Variants in FMN2 observed in about 807,000 individuals in gnomAD.
FMN2 encodes formin-2.
In FMN2, 51 loss-of-function variants were observed where a neutral mutation model predicts 142.3. That is an observed-to-expected ratio of 0.36 (90% CI 0.29 to 0.45). The LOEUF is 0.45. FMN2 is among the 20% of genes least tolerant of loss of function. The pLI is 1.00. For synonymous variants in FMN2, 882 were observed against 869.8 expected (o/e 1.01, Z -0.25); for missense variants, 1,936 against 2,122.8 (o/e 0.91, Z 1.73).
rs201529133 is a variant in FMN2, at chr1:240,212,637, A to T, written c.4065+1402A>T. On this transcript the variant is annotated intron_variant, in intron 6 of 17. Coordinates refer to ENST00000319653, the MANE Select transcript of FMN2 (RefSeq NM_020066.5). ...TCAGTAAGTCCAGGGTGACAATGTT[A>T]AAAGGAGTAATGGAAAATCATATTT... Among the ~76,000 whole-genome samples, 5 of 152,256 alleles carry T rather than the reference A, an allele frequency of 3.3e-5. No individual in the cohort carries two copies. The East Asian group carries it at 9.6e-4, about 29-fold the overall frequency.
intron 15 of FMN2, among the ~76,000 whole-genome samples, chr1:240,433,660 A>G (rs1478021543): frequency 6.6e-6 from 1 of 152,204 alleles, no homozygotes. Flanking sequence ...TGTGTAAAAC[A>G]TCTTCCAGTT....
chr1:240,125,750 G>C (rs1217818920), intron 2 of FMN2, among the ~76,000 whole-genome samples: 1 of 152,052 alleles, frequency 6.6e-6, no homozygotes, highest in African/African-American at 2.4e-5. Context: ...CAACTAACCT[G>C]GTTGTTTCTT....
intron 6 of FMN2, among the ~76,000 whole-genome samples, chr1:240,218,722 C>T (rs903600866): frequency 4.6e-5 from 7 of 151,996 alleles, no homozygotes; most frequent in East Asian, 1.9e-4. Flanking sequence ...TTTTTTGATC[C>T]GATGACAGCA....
chr1:240,136,798 T>C lies in FMN2; in HGVS notation c.1782+13453T>C, dbSNP rs114852142. On this transcript the variant is annotated intron_variant, in intron 2 of 17. Coordinates refer to ENST00000319653, the MANE Select transcript of FMN2 (RefSeq NM_020066.5). The stretch of plus-strand genomic sequence containing the variant: ...GTATAAAATTGGGAATCTGGCCTGG[T>C]GCGGTGGCTCACACCTGTAATCCCA... Among the ~76,000 whole-genome samples, 1,418 of 152,120 alleles carry C rather than the reference T, an allele frequency of 9.3e-3. 24 individuals carry two copies. Among genetic ancestry groups the C allele is most frequent in the African/African-American group, 0.031 (1,291 of 41,520 alleles).
chr1:240,400,418 T>C (rs1196448295), intron 15 of FMN2, among the ~76,000 whole-genome samples: 2 of 152,180 alleles, frequency 1.3e-5, no homozygotes, highest in East Asian at 3.9e-4. Flanking sequence ...TAAAATCACC[T>C]ATATTCCTTC....
chr1:240,265,705 C>T (rs1668773976), intron 7 of FMN2, among the ~76,000 whole-genome samples: 1 of 152,122 alleles, frequency 6.6e-6, no homozygotes, highest in South Asian at 2.1e-4. Flanking sequence ...CTGAATAAAC[C>T]TGGGCAAATT....
rs1664225330 is a variant in FMN2, at chr1:240,160,265, A to G, written c.1783-17656A>G. On this transcript the variant is annotated intron_variant, in intron 2 of 17. Coordinates refer to ENST00000319653, the MANE Select transcript of FMN2 (RefSeq NM_020066.5). ...ATACAGTCATTAGAAAACTATAGCTACTATCCCTGATAAATGTAAATATTT... is the reference window on the plus strand; with the variant it reads ...ATACAGTCATTAGAAAACTATAGCTGCTATCCCTGATAAATGTAAATATTT... 1.3e-5 allele frequency among the ~76,000 whole-genome samples: 2 copies of G among 151,250 alleles called. 1 individual carries two copies.
At chr1:240,276,651 A>C (rs905219989) in intron 7 of FMN2, among the ~76,000 whole-genome samples, 2 of 152,044 alleles carry the variant, frequency 1.3e-5, no homozygotes, top group Non-Finnish European at 2.9e-5. Flanking sequence ...TCCTTTTCCA[A>C]ATGACACCCC....
At chr1:240,433,440 AG>A (rs1411748100) in intron 15 of FMN2, among the ~76,000 whole-genome samples, 2 of 152,222 alleles carry the variant, frequency 1.3e-5, no homozygotes, top group African/African-American at 4.8e-5. Context: ...CACAATGATA[AG>A]TGCATTTTAC....
Position 240,163,821 on chromosome 1 carries a change from C to G in FMN2, c.1783-14100C>G, listed in dbSNP as rs116006950. Among the ~76,000 whole-genome samples the G allele has an allele frequency of 2.9e-3, 445 of 151,766 alleles. 4 individuals carry two copies. Among genetic ancestry groups the G allele is most frequent in the African/African-American group, 0.01 (417 of 41,462 alleles). ...AATTACTCTTTACTATTTAATTGTTCTCTCTGGTATTTTAAAAACTGTAAT... is the reference window on the plus strand; with the variant it reads ...AATTACTCTTTACTATTTAATTGTTGTCTCTGGTATTTTAAAAACTGTAAT... On this transcript the variant is annotated intron_variant, in intron 2 of 17. Coordinates refer to ENST00000319653, the MANE Select transcript of FMN2 (RefSeq NM_020066.5).
intron 15 of FMN2, among the ~76,000 whole-genome samples, chr1:240,407,670 G>A (rs1470061183): frequency 6.6e-6 from 1 of 152,106 alleles, no homozygotes; most frequent in African/African-American, 2.4e-5. Flanking sequence ...ATGCAGATTT[G>A]TTCCCCTAAA....
At chr1:240,125,799 A>C (rs969696997) in intron 2 of FMN2, among the ~76,000 whole-genome samples, 2 of 152,002 alleles carry the variant, frequency 1.3e-5, no homozygotes, top group African/African-American at 4.8e-5. Flanking sequence ...GAGACTAGTA[A>C]CTCTTCCCCA....
chr1:240,410,592 A>G (rs1674356986), intron 15 of FMN2, among the ~76,000 whole-genome samples: 1 of 152,214 alleles, frequency 6.6e-6, no homozygotes, highest in Non-Finnish European at 1.5e-5. Context: ...TAAAATTTCA[A>G]CTTTAACTAG....
rs533792223 is a variant in FMN2, at chr1:240,257,941, G to A, written c.4066-4G>A. 441 of 1,611,592 alleles carry A rather than the reference G, an allele frequency of 2.7e-4. 4 individuals are homozygous for A. In the South Asian group the frequency reaches 4.4e-3, roughly 16 times the overall value. On this transcript the variant is annotated splice_polypyrimidine_tract_variant and splice_region_variant and intron_variant, in intron 6 of 17. Coordinates refer to ENST00000319653, the MANE Select transcript of FMN2 (RefSeq NM_020066.5). ...TTTCCCCTTTTACTTTCTTTCTCGAGCAGGTTGTCAAGTTATTAAGCAACA... is the reference window on the plus strand; with the variant it reads ...TTTCCCCTTTTACTTTCTTTCTCGAACAGGTTGTCAAGTTATTAAGCAACA...
chr1:240,441,730 T>A (rs142727312), intron 16 of FMN2, among the ~76,000 whole-genome samples: 3 of 152,018 alleles, frequency 2.0e-5, no homozygotes, highest in African/African-American at 7.2e-5. Flanking sequence ...TGTCCTCATA[T>A]CTGGTATAGC....
chr1:240,272,092 GTTTA>G (rs1375504858), intron 7 of FMN2, among the ~76,000 whole-genome samples: 1 of 152,048 alleles, frequency 6.6e-6, no homozygotes, highest in East Asian at 1.9e-4. Context: ...TCATGTATTT[GTTTA>G]TTTGTTTGTT....
chr1:240,344,293 A>G (rs558077879), intron 13 of FMN2, among the ~76,000 whole-genome samples: 3 of 152,336 alleles, frequency 2.0e-5, no homozygotes, highest in Admixed American at 2.0e-4. Context: ...TCTGTAATCT[A>G]TGTATAAATG....
chr1:240,453,328 A>C (rs1437744833), intron 16 of FMN2, among the ~76,000 whole-genome samples: 1 of 152,196 alleles, frequency 6.6e-6, no homozygotes, highest in African/African-American at 2.4e-5. Flanking sequence ...CCAAACATGA[A>C]TCGAAGCATT....
intron 7 of FMN2, among the ~76,000 whole-genome samples, chr1:240,288,383 A>G (rs1035290516): frequency 2.0e-5 from 3 of 152,178 alleles, no homozygotes; most frequent in African/African-American, 7.2e-5. Flanking sequence ...CCACTGAATC[A>G]TGATGCTTCT....
Sources: gnomAD v4.1 joint callset for allele counts (sites outside exome capture counted in the v4.1 genomes callset) on GRCh38, gnomAD v4.1.1 for gene constraint, MANE v1.5 for transcripts, NCBI Gene and HGNC (gene_info 2026-07-23, HGNC 2026-07-21) for gene names.